The following ATP13A4 variants were observed in gnomAD, a reference collection of about 807,000 sequenced individuals.
ATP13A4 encodes the protein ATPase 13A4, also known as probable cation-transporting ATPase 13A4.
Under a neutral mutation model 142.5 loss-of-function variants are expected in ATP13A4, and 114 were observed. The observed-to-expected ratio is 0.80, with a 90% CI of 0.69 to 0.93. The LOEUF (loss-of-function observed/expected upper bound fraction) is 0.93. ATP13A4 is among the 40% of genes least tolerant of loss of function. The probability of loss-of-function intolerance (pLI) is 0.00; values close to 1 mark genes in which losing one functional copy is unlikely to be tolerated. For missense variants in ATP13A4, 1,392 were observed against 1,454.0 expected (o/e 0.96, Z 0.69); for synonymous variants, 488 against 514.8 (o/e 0.95, Z 0.70).
chr3:193,404,548 T>C (rs921489378), intron 29 of ATP13A4, among the ~76,000 whole-genome samples: 1 of 152,206 alleles, frequency 6.6e-6, no homozygotes, highest in Non-Finnish European at 1.5e-5. Flanking sequence ...ATTTCCTTCT[T>C]GCTGTTTTCG....
At position 193,466,091 on chromosome 3, in the gene ATP13A4, G is replaced by A. The variant is rs767055099; in HGVS notation, c.1206C>T (p.Leu402=). Residue 402 remains leucine, a synonymous_variant, in exon 11 of 30, where the codon CTC becomes CTT. Coordinates refer to ENST00000342695, the MANE Select transcript of ATP13A4 (RefSeq NM_032279.4). ...FQLYRDAIRF[L]LCLVGTATIG... ...TGGTGGCTGTTCCTACAAGGCACAG[G>A]AGGAACCTGATGGCATCCCTGTACA... 2.5e-6 allele frequency: 4 copies of A among 1,614,156 alleles called. No homozygotes were observed. In the South Asian group the frequency reaches 4.4e-5, roughly 18 times the overall value.
At chr3:193,542,348 C>A (rs972311019) in intron 1 of ATP13A4, among the ~76,000 whole-genome samples, 2 of 152,148 alleles carry the variant, frequency 1.3e-5, no homozygotes, top group Non-Finnish European at 2.9e-5. Flanking sequence ...GAAAAACATT[C>A]CATGCTCATG....
chr3:193,460,719 C>T (rs9851898), intron 13 of ATP13A4, among the ~76,000 whole-genome samples: 74,547 of 152,040 alleles, frequency 0.49, 18,489 homozygotes, highest in African/African-American at 0.58. Flanking sequence ...GTCACTAGTC[C>T]GTAATTCTGA....
intron 8 of ATP13A4, among the ~76,000 whole-genome samples, chr3:193,474,725 A>C: frequency 8.3e-6 from 1 of 119,950 alleles, no homozygotes. Context: ...AGAGAGAGAA[A>C]GAAAGAGAAA....
At chr3:193,586,389 C>T (rs902849109) in intron 1 of ATP13A4, among the ~76,000 whole-genome samples, 7 of 152,102 alleles carry the variant, frequency 4.6e-5, no homozygotes, top group Admixed American at 2.6e-4. Flanking sequence ...CCTTCCGTGA[C>T]GTAAGAAATC....
intron 25 of ATP13A4, among the ~76,000 whole-genome samples, chr3:193,415,942 G>C (rs552330062): frequency 6.6e-6 from 1 of 152,310 alleles, no homozygotes. Flanking sequence ...AAAGACCAGA[G>C]AAAACCCAAA....
At chr3:193,576,661 A>G (rs1724404198) in intron 2 of ATP13A4, among the ~76,000 whole-genome samples, 1 of 152,232 alleles carries the variant, frequency 6.6e-6, no homozygotes, top group Non-Finnish European at 1.5e-5. Flanking sequence ...AATCAGTTAA[A>G]GTTCTTAATT....
At position 193,484,437 on chromosome 3, in the gene ATP13A4, A is replaced by G. The variant is rs142123858; in HGVS notation, c.739-432T>C. On this transcript the variant is annotated intron_variant, in intron 7 of 29. Transcript: ENST00000342695. ...ATATGTGGGATATTGAGAGTGAGTCAGTAACAGAAACAAACAAAAAACACA... is the reference window on the plus strand; with the variant it reads ...ATATGTGGGATATTGAGAGTGAGTCGGTAACAGAAACAAACAAAAAACACA... Among the ~76,000 whole-genome samples, 931 of 152,288 alleles carry G rather than the reference A, an allele frequency of 6.1e-3. 12 individuals carry two copies. Among genetic ancestry groups the G allele is most frequent in the African/African-American group, 0.022 (899 of 41,564 alleles).
intron 8 of ATP13A4, 111 bp from the exon 9 acceptor site, chr3:193,471,104 T>A: frequency 2.1e-6 from 3 of 1,427,624 alleles, no homozygotes; most frequent in African/African-American, 1.4e-5. Context: ...ATTTTTTTTT[T>A]AGAAAGGAGA....
chr3:193,539,138 G>T (rs1326102153), intron 1 of ATP13A4, among the ~76,000 whole-genome samples: 2 of 152,230 alleles, frequency 1.3e-5, no homozygotes, highest in Non-Finnish European at 1.5e-5. Flanking sequence ...CTCCCAAATT[G>T]CTGGGATTAC....
chr3:193,590,249 G>C (rs1361878292), intron 1 of ATP13A4, among the ~76,000 whole-genome samples: 4 of 152,182 alleles, frequency 2.6e-5, no homozygotes, highest in Non-Finnish European at 2.9e-5. Flanking sequence ...GTAGGGAATG[G>C]ATGCTGCTGA....
intron 2 of ATP13A4, among the ~76,000 whole-genome samples, chr3:193,506,266 A>G (rs1720856201): frequency 6.6e-6 from 1 of 152,218 alleles, no homozygotes; most frequent in East Asian, 1.9e-4. Flanking sequence ...ACCATTTTAA[A>G]TAATTGGTTT....
intron 1 of ATP13A4, among the ~76,000 whole-genome samples, chr3:193,545,506 C>A (rs1723167814): frequency 6.6e-6 from 1 of 152,188 alleles, no homozygotes; most frequent in Non-Finnish European, 1.5e-5. Flanking sequence ...AGCTGCCTTT[C>A]AACTCTACCC....
chr3:193,505,566 G>A (rs1208678481), intron 2 of ATP13A4, among the ~76,000 whole-genome samples: 1 of 151,932 alleles, frequency 6.6e-6, no homozygotes, highest in Non-Finnish European at 1.5e-5. Context: ...ATGATACAAA[G>A]TAGAATAAAA....
chr3:193,464,999 A>G lies in ATP13A4; in HGVS notation c.1402T>C (p.Cys468Arg). The G allele has an allele frequency of 1.2e-6, 2 of 1,614,188 alleles. No homozygotes were observed. Among genetic ancestry groups the G allele is most frequent in the Non-Finnish European group, 1.7e-6 (2 of 1,180,030 alleles). The stretch of plus-strand genomic sequence containing the variant: ...ACGTTGATCCTCTGGGGGCTAATGC[A>G]GAAGATGCCTCTCTTCTTCAGCCTC... ...QRRLKKRGIF[C>R]ISPQRINVCG... Residue 468 changes from cysteine to arginine, a missense_variant, in exon 12 of 30, where the codon TGC becomes CGC. Cys to Arg is a radical substitution (Grantham distance 180, BLOSUM62 -3). Coordinates refer to ENST00000342695, the MANE Select transcript of ATP13A4 (RefSeq NM_032279.4).
At chr3:193,535,100 C>T (rs1722524891) in intron 1 of ATP13A4, among the ~76,000 whole-genome samples, 1 of 151,850 alleles carries the variant, frequency 6.6e-6, no homozygotes, top group Admixed American at 6.6e-5. Context: ...ACCTCAACAC[C>T]TCTCTCTCAA....
rs775209121 is a variant in ATP13A4, at chr3:193,438,475, T to C, written c.2672A>G (p.Lys891Arg). ...PNIECVPHLI[K>R]EGRAALVTSF... ...AATGTTTGAGGAAGTGCCTACTTAC[T>C]TGATAAGGTGAGGTACGCACTCAAT... Residue 891 changes from lysine to arginine, a missense_variant and splice_region_variant, in exon 23 of 30, where the codon AAG (lysine) becomes AGG (arginine). Physicochemically the swap from Lys to Arg is conservative, Grantham distance 26. Coordinates refer to ENST00000342695, the MANE Select transcript of ATP13A4 (RefSeq NM_032279.4). The C allele has an allele frequency of 3.7e-6, 6 of 1,604,094 alleles. No individual in the cohort carries two copies. The East Asian group carries it at 1.1e-4, about 30-fold the overall frequency.
In ATP13A4 at chr3:193,502,521, T is replaced by G. The variant is rs1434557163; in HGVS notation, c.353A>C (p.Asn118Thr). The change falls in exon 3 of 30, where the codon AAT (asparagine) becomes ACT (threonine). Residue 118 changes from asparagine to threonine, a missense_variant. Physicochemically the swap from Asn to Thr is moderately conservative, Grantham distance 65. Transcript: ENST00000342695. Reference sequence around the variant, plus strand: ...TAGGTCTGGCTTTCTTATGGCTCTATTTATGATATACTCCTCATCTGTCAT... The same window carrying G: ...TAGGTCTGGCTTTCTTATGGCTCTAGTTATGATATACTCCTCATCTGTCAT... ...PLMTDEEYII[N>T]RAIRKPDLKV... is the part of the protein sequence containing the mutation. 6.2e-7 allele frequency: 1 copy of G among 1,614,076 alleles called. No homozygotes were observed. Among genetic ancestry groups the G allele is most frequent in the African/African-American group, 1.3e-5 (1 of 75,046 alleles).
intron 1 of ATP13A4, among the ~76,000 whole-genome samples, chr3:193,582,732 AT>A (rs1724587739): frequency 1.6e-5 from 1 of 60,624 alleles, no homozygotes; most frequent in South Asian, 4.3e-4. Context: ...CATATATAAA[AT>A]ATATATGTAT....
Sources: gnomAD v4.1 joint callset for allele counts (sites outside exome capture counted in the v4.1 genomes callset) on GRCh38, gnomAD v4.1.1 for gene constraint, MANE v1.5 for transcripts, NCBI Gene and HGNC (gene_info 2026-07-23, HGNC 2026-07-21) for gene names.